LRP2: variants seen among roughly 807,000 people sequenced by gnomAD.
The protein encoded by LRP2 is LDL receptor related protein 2.
Under a neutral mutation model 531.0 loss-of-function variants are expected in LRP2, and 172 were observed. The ratio of observed to expected loss-of-function variants is 0.32; its 90% confidence interval spans 0.29 to 0.37. LRP2 has a LOEUF of 0.37. LRP2 is among the 10% of genes least tolerant of loss of function. The pLI is 1.00. For missense variants in LRP2, 5,167 were observed against 5,868.3 expected, an observed-to-expected ratio of 0.88 and a Z score of 3.90; for synonymous variants, 1,992 against 2,027.6, an observed-to-expected ratio of 0.98 and a Z score of 0.47.
At chr2:169,302,661 G>A (rs1684314142) in intron 4 of LRP2, among the ~76,000 whole-genome samples, 1 of 152,004 alleles carries the variant, frequency 6.6e-6, no homozygotes, top group Non-Finnish European at 1.5e-5. Context: ...GAAATACAGA[G>A]GACAGAGAAT....
In LRP2 at chr2:169,173,238, A is replaced by G. The variant is rs752214744; in HGVS notation, c.11015-14T>C. 2 of 1,614,106 alleles carry G rather than the reference A, an allele frequency of 1.2e-6. No individual in the cohort carries two copies. The highest frequency in any genetic ancestry group is 1.7e-5 in the Admixed American group (1 of 60,020). ...GGGCAGAGCTCACTGAAAAGGGAGG[A>G]GGCATCAAAGTCAGAACTGAAGGTA... On this transcript the variant is annotated splice_polypyrimidine_tract_variant and intron_variant, in intron 56 of 78. Coordinates refer to ENST00000649046, the MANE Select transcript of LRP2 (RefSeq NM_004525.3).
In LRP2 at chr2:169,241,325, C is replaced by A. The variant is rs147498752; in HGVS notation, c.3708G>T (p.Gln1236His). Residue 1236 changes from glutamine (Q) to histidine (H), a missense_variant, in exon 25 of 79, where the codon CAG (glutamine) becomes CAT (histidine). Around this residue, in one of 6 missense-constraint regions of LRP2, gnomAD observed 2,811 missense variants for 3,058.0 expected, o/e 0.92. Transcript: ENST00000649046. ...PPGMCHSDEFQCQEDGICIPN... is the reference protein window; with the variant it reads ...PPGMCHSDEFHCQEDGICIPN... Reference sequence around the variant, plus strand: ...GGATGCAGATACCATCTTCTTGGCACTGAAATTCATCTGAGTGGCACATAC... The same window carrying A: ...GGATGCAGATACCATCTTCTTGGCAATGAAATTCATCTGAGTGGCACATAC... 5.6e-6 allele frequency: 9 copies of A among 1,614,026 alleles called. No individual in the cohort carries two copies. Among genetic ancestry groups the A allele is most frequent in the Non-Finnish European group, 7.6e-6 (9 of 1,180,026 alleles).
intron 37 of LRP2, 135 bp from the exon 38 acceptor site, chr2:169,209,776 T>C (rs1688529272): frequency 1.1e-6 from 1 of 875,494 alleles, no homozygotes; most frequent in Non-Finnish European, 1.8e-6. Flanking sequence ...AAACCCTTTT[T>C]TCCCAGTTGC....
chr2:169,261,257 T>G (rs965737939), intron 16 of LRP2, among the ~76,000 whole-genome samples: 2 of 151,918 alleles, frequency 1.3e-5, no homozygotes, highest in African/African-American at 4.8e-5. Context: ...AAAGAGAATT[T>G]GGAAAAAAGA....
At chr2:169,193,696 A>T in intron 47 of LRP2, 65 bp downstream of exon 47, 1 of 1,604,940 alleles carries the variant, frequency 6.2e-7, no homozygotes, top group Non-Finnish European at 8.5e-7. Flanking sequence ...CCAAACACAG[A>T]AAAACAACTC....
chr2:169,340,417 C>A (rs1685533026), intron 1 of LRP2, among the ~76,000 whole-genome samples: 1 of 152,186 alleles, frequency 6.6e-6, no homozygotes, highest in Non-Finnish European at 1.5e-5. Flanking sequence ...CTCAGGTGAA[C>A]TATGTGCTGA....
chr2:169,175,092 C>A (rs1413669232), intron 55 of LRP2, 101 bp downstream of exon 55: 2 of 1,107,488 alleles, frequency 1.8e-6, no homozygotes, highest in African/African-American at 1.6e-5. Flanking sequence ...GGACTTTGAA[C>A]TGGTTTTTAG....
intron 25 of LRP2, among the ~76,000 whole-genome samples, chr2:169,240,048 C>A (rs1000153373): frequency 5.9e-5 from 9 of 152,250 alleles, no homozygotes; most frequent in Non-Finnish European, 1.0e-4. Context: ...GCAATGAGAA[C>A]CCTTGGGAAA....
intron 68 of LRP2, among the ~76,000 whole-genome samples, chr2:169,150,275 T>C (rs1686073848): frequency 6.6e-6 from 1 of 152,230 alleles, no homozygotes; most frequent in African/African-American, 2.4e-5. Flanking sequence ...TTTTTTAAAG[T>C]GTCACTATTC....
rs779462921 is a variant in LRP2, at chr2:169,289,060, A to G, written c.1008T>C (p.Tyr336=). 2 of 1,614,120 alleles carry G rather than the reference A, an allele frequency of 1.2e-6. No homozygotes were observed. Among genetic ancestry groups the G allele is most frequent in the Non-Finnish European group, 8.5e-7 (1 of 1,179,994 alleles). The stretch of plus-strand genomic sequence containing the variant: ...TACGGCTGTCATTGTGGTTGATGAT[A>G]TAACCTGGGGGACAAAAACACGCTC... ...YGGACFCPPG[Y]IINHNDSRTC... is the part of the protein sequence containing the mutation. The change falls in exon 9 of 79, where the codon TAT becomes TAC. Residue 336 remains tyrosine (Y), a synonymous_variant. Transcript: ENST00000649046.
Position 169,279,462 on chromosome 2 carries a change from T to G in LRP2, c.1475A>C (p.Asp492Ala). The change falls in exon 12 of 79, where the codon GAT (aspartate) becomes GCT (alanine). Residue 492 changes from aspartate (D) to alanine (A), a missense_variant. Physicochemically the swap from Asp to Ala is moderately radical, Grantham distance 126 (BLOSUM62 -2). Around this residue, in one of 6 missense-constraint regions of LRP2, gnomAD observed 2,811 missense variants for 3,058.0 expected, o/e 0.92. Transcript: ENST00000649046. ...ATAGCTTCCATCCAAATTTACCATA[T>G]CTATGCGGTTGACCTTGGTTTCCAC... ...YLVETKVNRIDMVNLDGSYRV... is the reference protein window; with the variant it reads ...YLVETKVNRIAMVNLDGSYRV... 6.2e-7 allele frequency: 1 copy of G among 1,614,074 alleles called. No individual in the cohort carries two copies. The highest frequency in any genetic ancestry group is 1.1e-5 in the South Asian group (1 of 91,076).
At position 169,243,409 on chromosome 2, in the gene LRP2, C is replaced by A. The variant is rs1689885225; in HGVS notation, c.3544G>T (p.Gly1182Cys). The A allele has an allele frequency of 6.2e-7, 1 of 1,614,104 alleles. No homozygotes were observed. The highest frequency in any genetic ancestry group is 8.5e-7 in the Non-Finnish European group (1 of 1,179,980). Residue 1182 changes from glycine (G) to cysteine (C), a missense_variant, in exon 23 of 79, where the codon GGT becomes TGT. Transcript: ENST00000649046. ...AAGAAGGCAATGCACTTACCACAACCAACCTCATCAGATCCATCAACACAA... is the reference window on the plus strand; with the variant it reads ...AAGAAGGCAATGCACTTACCACAACAAACCTCATCAGATCCATCAACACAA... The part of the protein sequence containing the change: ...KDCVDGSDEV[G>C]CVLNCTASQF...
In LRP2 at chr2:169,241,121, G is replaced by A. The variant is rs757628651; in HGVS notation, c.3912C>T (p.Asp1304=). The change falls in exon 25 of 79, where the codon GAC becomes GAT. Residue 1304 remains aspartate, a synonymous_variant. Transcript: ENST00000649046. ...GACAGCGAAAGGGCTGAGTAGGGCA[G>A]TCCTTCTCATCACTCATATCCCCGC... The part of the protein sequence containing the change: ...NDCGDMSDEK[D]CPTQPFRCPS... 5.0e-6 allele frequency: 8 copies of A among 1,614,014 alleles called. No individual in the cohort carries two copies. The highest frequency in any genetic ancestry group is 6.8e-6 in the Non-Finnish European group (8 of 1,179,908).
chr2:169,138,979 C>T (rs1297487399), intron 74 of LRP2, among the ~76,000 whole-genome samples: 2 of 152,176 alleles, frequency 1.3e-5, no homozygotes, highest in Admixed American at 6.5e-5. Context: ...CACACAGCTG[C>T]CTTTTCACTC....
In LRP2 at chr2:169,206,471, C is replaced by A; in HGVS notation, c.7249G>T (p.Val2417Leu). 1 of 1,614,148 alleles carries A rather than the reference C, an allele frequency of 6.2e-7. No homozygotes were observed. Among genetic ancestry groups the A allele is most frequent in the Non-Finnish European group, 8.5e-7 (1 of 1,180,028 alleles). The change falls in exon 39 of 79, where the codon GTG becomes TTG. Residue 2417 changes from valine to leucine, a missense_variant. By Grantham distance (32) the Val-to-Leu change is conservative. Around this residue, in one of 6 missense-constraint regions of LRP2, gnomAD observed 2,811 missense variants for 3,058.0 expected, o/e 0.92. Transcript: ENST00000649046. ...TCTAGAGACATGACAGTTCTTTCCA[C>A]ATTTATTGTTTGGAAAGGTGGGCTA... ...NHSPPFQTIN[V>L]ERTVMSLDYD...
intron 77 of LRP2, among the ~76,000 whole-genome samples, 177 bp from the exon 78 acceptor site, chr2:169,129,261 C>G (rs1181881622): frequency 6.6e-6 from 1 of 152,168 alleles, no homozygotes; most frequent in Non-Finnish European, 1.5e-5. Context: ...GGTCCCTGAA[C>G]AGTAACTGAA....
intron 3 of LRP2, among the ~76,000 whole-genome samples, chr2:169,308,785 G>A (rs1473716920): frequency 2.6e-5 from 4 of 152,126 alleles, no homozygotes; most frequent in African/African-American, 9.7e-5. Context: ...CTAGATCCTT[G>A]AGGAATCGCC....
chr2:169,348,720 G>C (rs1406971168), intron 1 of LRP2, among the ~76,000 whole-genome samples: 2 of 152,172 alleles, frequency 1.3e-5, no homozygotes, highest in Non-Finnish European at 2.9e-5. Context: ...TTCTCACAGG[G>C]TAACCAAGTA....
At chr2:169,271,776 A>G in intron 15 of LRP2, 1 of 658,970 alleles carries the variant, frequency 1.5e-6, no homozygotes, top group Non-Finnish European at 1.9e-6. Context: ...CTACACCAAG[A>G]ACCTTACAGT....
Sources: allele counts gnomAD v4.1 joint callset (sites outside exome capture counted in the v4.1 genomes callset), GRCh38; gene constraint gnomAD v4.1.1; regional missense constraint gnomAD v4.1.1; transcripts MANE v1.5; gene names NCBI Gene and HGNC (gene_info 2026-07-23, HGNC 2026-07-21).